MEGF8: variants seen among roughly 807,000 people sequenced by gnomAD.
MEGF8 encodes multiple EGF like domains 8.
MEGF8 carries 156 observed loss-of-function variants against 302.9 expected under a neutral mutation model. The ratio of observed to expected loss-of-function variants is 0.52; its 90% CI spans 0.45 to 0.59. The LOEUF (loss-of-function observed/expected upper bound fraction) is 0.59, where lower values mean the gene tolerates loss of function less well. Among genes scored for constraint, MEGF8 ranks in the 20% least tolerant of loss-of-function variants. The pLI is 0.00. For missense variants in MEGF8, 3,345 were observed against 3,964.5 expected, an observed-to-expected ratio of 0.84 and a Z score of 4.20; for synonymous variants, 1,621 against 1,660.5, an observed-to-expected ratio of 0.98 and a Z score of 0.58.
chr19:42,368,448 C>T lies in MEGF8; in HGVS notation c.6274-7C>T, dbSNP rs772512683. On this transcript the variant is annotated splice_region_variant and splice_polypyrimidine_tract_variant and intron_variant, in intron 35 of 41. Transcript: ENST00000251268. The surrounding 1 kb of genome is among the most constrained non-coding windows in gnomAD (Gnocchi z 4.9). ...CCCTGCATCCCCATCCCCTCCCCCC[C>T]ATACAGTGTCTGAGCCCTTCCTACC... is the stretch of plus-strand genomic sequence containing the variant. 3.8e-6 allele frequency: 6 copies of T among 1,597,200 alleles called. No individual in the cohort carries two copies. The highest frequency in any genetic ancestry group is 1.7e-5 in the Admixed American group (1 of 57,674).
rs2039795512 is a variant in MEGF8, at chr19:42,378,349, CAG to C, written c.*1577_*1578del. ...ACAGAGGCGTGTTGTGGGGGAGCCTCAGAGGGGACAAAACCTCTGCCTGAGAT... is the reference window on the plus strand; with the variant it reads ...ACAGAGGCGTGTTGTGGGGGAGCCTCAGGGGACAAAACCTCTGCCTGAGAT... On this transcript the variant is annotated 3_prime_UTR_variant, in exon 42 of 42. Coordinates refer to ENST00000251268, the MANE Select transcript of MEGF8 (RefSeq NM_001271938.2). 1 of 153,488 alleles carries C rather than the reference CAG, an allele frequency of 6.5e-6. No homozygotes were observed. The highest frequency in any genetic ancestry group is 2.4e-5 in the African/African-American group (1 of 41,426). The allele number at this position is 153,488 out of a possible 1,614,324, so 9.5% of individuals were successfully genotyped here.
chr19:42,376,632 C>T lies in MEGF8; in HGVS notation c.8395C>T (p.Leu2799=), dbSNP rs1277238058. 1 of 1,543,164 alleles carries T rather than the reference C, an allele frequency of 6.5e-7. No homozygotes were observed. The highest frequency in any genetic ancestry group is 8.7e-7 in the Non-Finnish European group (1 of 1,146,794). Residue 2799 remains leucine (L), a synonymous_variant, in exon 42 of 42, where the codon CTG becomes TTG. Transcript: ENST00000251268. This position sits in a 1 kb window ranked among gnomAD's most constrained non-coding sequence, Gnocchi z 8.2. ...GCCCCATGCACCCAACGGCGCCTGC[C>T]TGGGGTCAGCCCTCGTCACACTGCG... The part of the protein sequence containing the change: ...GGPHAPNGAC[L]GSALVTLRHR...
Position 42,356,183 on chromosome 19 carries a change from G to T in MEGF8, c.4493G>T (p.Arg1498Leu). 1 of 1,531,692 alleles carries T rather than the reference G, an allele frequency of 6.5e-7. No individual in the cohort carries two copies. The highest frequency in any genetic ancestry group is 2.4e-5 in the East Asian group (1 of 41,746). The allele number at this position is 1,531,692 out of a possible 1,614,324, so 94.9% of individuals were successfully genotyped here. Residue 1498 changes from arginine (R) to leucine (L), a missense_variant, in exon 25 of 42, where the codon CGC becomes CTC. Transcript: ENST00000251268. This position sits in a 1 kb window ranked among gnomAD's most constrained non-coding sequence, Gnocchi z 5.2. Reference sequence around the variant, plus strand: ...GTCTGGGAGACCCTCATGGACAGCCGCCTCTCAGCCGTGAGTTGTGGGTAC... The same window carrying T: ...GTCTGGGAGACCCTCATGGACAGCCTCCTCTCAGCCGTGAGTTGTGGGTAC... ...QLVWETLMDS[R>L]LSADTASRFL...
chr19:42,362,630 T>G (rs1220198768), intron 34 of MEGF8, 33 bp downstream of exon 34: 2 of 1,591,726 alleles, frequency 1.3e-6, no homozygotes, highest in Non-Finnish European at 1.7e-6. Context: ...GAGAGGGGAG[T>G]CTTGGGGCCT....
Position 42,352,952 on chromosome 19 carries a change from T to C in MEGF8, c.3375T>C (p.Gly1125=). The change falls in exon 20 of 42, where the codon GGT becomes GGC. Residue 1125 remains glycine, a synonymous_variant. Transcript: ENST00000251268. The surrounding 1 kb of genome is among the most constrained non-coding windows in gnomAD (Gnocchi z 4.4). Reference sequence around the variant, plus strand: ...GGTGCTTGGAGGACTGTGGCCATGGTGTGTGCAGTGGCCCCCCGGACTTTA... The same window carrying C: ...GGTGCTTGGAGGACTGTGGCCATGGCGTGTGCAGTGGCCCCCCGGACTTTA... ...NRTCLEDCGH[G]VCSGPPDFTC... 1 of 1,600,994 alleles carries C rather than the reference T, an allele frequency of 6.2e-7. No individual in the cohort carries two copies. The highest frequency in any genetic ancestry group is 1.1e-5 in the South Asian group (1 of 88,126).
In MEGF8 at chr19:42,351,515, A is replaced by G; in HGVS notation, c.2942A>G (p.Tyr981Cys). ...CACACCTGCTTCCTGTTTGCTGCCT[A>G]CTTGGCCCGGTACCCACACGGGGGC... ...STHTCFLFAA[Y>C]LARYPHGGCR... The change falls in exon 17 of 42, where the codon TAC becomes TGC. Residue 981 changes from tyrosine (Y) to cysteine (C), a missense_variant. By Grantham distance (194) the Tyr-to-Cys change is radical. Transcript: ENST00000251268. This position sits in a 1 kb window ranked among gnomAD's most constrained non-coding sequence, Gnocchi z 5.6. 1 of 1,608,318 alleles carries G rather than the reference A, an allele frequency of 6.2e-7. No individual in the cohort carries two copies. The highest frequency in any genetic ancestry group is 8.5e-7 in the Non-Finnish European group (1 of 1,177,648).
In MEGF8 at chr19:42,368,378, T is replaced by C; in HGVS notation, c.6274-77T>C. The C allele has an allele frequency of 7.6e-7, 1 of 1,307,566 alleles. No individual in the cohort carries two copies. The highest frequency in any genetic ancestry group is 1.0e-6 in the Non-Finnish European group (1 of 953,044). 81.0% of individuals were successfully genotyped at this position (1,307,566 alleles called of 1,614,324 possible). ...TCAAAGAGGGTGTGGTCTGGGAAGA[T>C]ACCCAGAATGTGTTTGTTTAAGCTT... On this transcript the variant is annotated intron_variant, in intron 35 of 41. Transcript: ENST00000251268. The surrounding 1 kb of genome is among the most constrained non-coding windows in gnomAD (Gnocchi z 4.9).
At chr19:42,343,116 G>C (rs899935457) in intron 8 of MEGF8, among the ~76,000 whole-genome samples, 1 of 152,178 alleles carries the variant, frequency 6.6e-6, no homozygotes, top group African/African-American at 2.4e-5. Flanking sequence ...CCAGCTCCCT[G>C]AGGACGAGAT....
chr19:42,342,687 G>C (rs919284775), intron 8 of MEGF8, among the ~76,000 whole-genome samples: 1 of 152,064 alleles, frequency 6.6e-6, no homozygotes, highest in African/African-American at 2.4e-5. Context: ...AACTGTAGGG[G>C]CTGTCTTCAG....
chr19:42,355,701 G>A, intron 23 of MEGF8, 57 bp from the exon 24 acceptor site: 1 of 1,495,956 alleles, frequency 6.7e-7, no homozygotes. Context: ...AGCATCTGGG[G>A]GTGGAAGGGG....
intron 41 of MEGF8, among the ~76,000 whole-genome samples, chr19:42,372,801 T>A (rs990388551): frequency 4.6e-5 from 7 of 151,928 alleles, no homozygotes; most frequent in African/African-American, 1.7e-4. Context: ...GCTTCCTGAG[T>A]AGCTGGGACT....
rs751177819 is a variant in MEGF8 at position 42,353,563 on chromosome 19, G to A, written c.3649G>A (p.Gly1217Arg). Residue 1217 changes from glycine to arginine, a missense_variant, in exon 21 of 42, where the codon GGG (glycine) becomes AGG (arginine). Gly to Arg is a moderately radical substitution (Grantham distance 125). Coordinates refer to ENST00000251268, the MANE Select transcript of MEGF8 (RefSeq NM_001271938.2). The surrounding 1 kb of genome is among the most constrained non-coding windows in gnomAD (Gnocchi z 6.1). The stretch of plus-strand genomic sequence containing the variant: ...CCGGCCCTGCCAGTGCAACGGGCAC[G>A]GGGACCCACGCCGTGGCCACTGCGA... ...GCRPCQCNGH[G>R]DPRRGHCDNL... 5.0e-6 allele frequency: 8 copies of A among 1,602,744 alleles called. No homozygotes were observed. Among genetic ancestry groups the A allele is most frequent in the Non-Finnish European group, 6.8e-6 (8 of 1,175,108 alleles).
intron 8 of MEGF8, among the ~76,000 whole-genome samples, chr19:42,342,505 C>T (rs1333947629): frequency 4.6e-5 from 7 of 152,032 alleles, no homozygotes; most frequent in South Asian, 4.1e-4. Flanking sequence ...GGCTTGGTGG[C>T]GGGCGCCTGT....
Position 42,358,665 on chromosome 19 carries a change from C to G in MEGF8, c.5176-122C>G. 8.3e-7 allele frequency: 1 copy of G among 1,203,514 alleles called. No individual in the cohort carries two copies. Among genetic ancestry groups the G allele is most frequent in the South Asian group, 1.6e-5 (1 of 61,280 alleles). The allele number at this position is 1,203,514 out of a possible 1,614,324, so 74.6% of individuals were successfully genotyped here. ...TGTGTGGGAGGGCAGGGAGCCCTGT[C>G]TGCACTGGTTAGAGAGGCTGGTGGT... On this transcript the variant is annotated intron_variant, in intron 29 of 41. Transcript: ENST00000251268. This position sits in a 1 kb window ranked among gnomAD's most constrained non-coding sequence, Gnocchi z 4.4.
Position 42,358,874 on chromosome 19 carries a change from G to A in MEGF8, c.5263G>A (p.Val1755Ile). The change falls in exon 30 of 42, where the codon GTC becomes ATC. Residue 1755 changes from valine to isoleucine, a missense_variant. By Grantham distance (29) the Val-to-Ile change is conservative. Coordinates refer to ENST00000251268, the MANE Select transcript of MEGF8 (RefSeq NM_001271938.2). The surrounding 1 kb of genome is among the most constrained non-coding windows in gnomAD (Gnocchi z 4.4). ...EQPGSWGFRE[V>I]RKKMALWAAL... ...GCCTGGGTCATGGGGGTTCCGGGAA[G>A]TCAGGAAGAAGATGGCTCTGTGGGC... 6.2e-7 allele frequency: 1 copy of A among 1,611,406 alleles called. No homozygotes were observed. The highest frequency in any genetic ancestry group is 8.5e-7 in the Non-Finnish European group (1 of 1,178,844).
At position 42,335,190 on chromosome 19, in the gene MEGF8, A is replaced by C; in HGVS notation, c.714A>C (p.Pro238=). 3.1e-6 allele frequency: 5 copies of C among 1,613,932 alleles called. No individual in the cohort carries two copies. Among genetic ancestry groups the C allele is most frequent in the Non-Finnish European group, 4.2e-6 (5 of 1,179,872 alleles). The change falls in exon 4 of 42, where the codon CCA becomes CCC. Residue 238 remains proline (P), a synonymous_variant. Transcript: ENST00000251268. The part of the protein sequence containing the change: ...RIGAAGAFLS[P]PGLLAVFGGQ... ...GGGCAGCTGGCGCCTTCCTGTCCCC[A>C]CCAGGGCTGCTGGCAGTTTTCGGAG...
Position 42,333,972 on chromosome 19 carries a change from C to T in MEGF8, c.352-35C>T, listed in dbSNP as rs140239744. The T allele has an allele frequency of 1.7e-5, 27 of 1,595,830 alleles. No homozygotes were observed. In the African/African-American group the frequency reaches 3.2e-4, roughly 19 times the overall value. On this transcript the variant is annotated intron_variant, in intron 2 of 41. Coordinates refer to ENST00000251268, the MANE Select transcript of MEGF8 (RefSeq NM_001271938.2). ...ACCCTCCCAGGACAATCCCCAGGCCCTGCCCACCTTACCCAGCACACCTTG... is the reference window on the plus strand; with the variant it reads ...ACCCTCCCAGGACAATCCCCAGGCCTTGCCCACCTTACCCAGCACACCTTG...
intron 23 of MEGF8, among the ~76,000 whole-genome samples, chr19:42,355,292 T>C (rs2039435009): frequency 2.0e-5 from 3 of 152,174 alleles, no homozygotes; most frequent in Admixed American, 2.0e-4. Flanking sequence ...GCATATTTTA[T>C]ATATACTAAC....
intron 8 of MEGF8, among the ~76,000 whole-genome samples, chr19:42,337,856 T>C: frequency 6.6e-6 from 1 of 151,518 alleles, no homozygotes; most frequent in East Asian, 1.9e-4. Flanking sequence ...CGGGCTAGAG[T>C]GCAGTAGCGT....
Sources: allele counts gnomAD v4.1 joint callset (sites outside exome capture counted in the v4.1 genomes callset), GRCh38; gene constraint gnomAD v4.1.1; non-coding constraint Gnocchi (gnomAD v3.1); transcripts MANE v1.5; gene names NCBI Gene and HGNC (gene_info 2026-07-23, HGNC 2026-07-21).